GNA14: variants seen among roughly 807,000 people sequenced by gnomAD.
GNA14 encodes the protein G protein subunit alpha 14.
In GNA14, 50 loss-of-function variants were observed where a neutral mutation model predicts 42.0. The observed-to-expected ratio is 1.19, with a 90% confidence interval of 0.95 to 1.51. The LOEUF is 1.51. Among genes scored for constraint, GNA14 ranks in the 40% most tolerant of loss-of-function variants. The probability of loss-of-function intolerance (pLI) is 0.00; values close to 1 mark genes in which losing one functional copy is unlikely to be tolerated. For synonymous variants in GNA14, 173 were observed against 163.1 expected (o/e 1.06, Z -0.46); for missense variants, 473 against 446.2 (o/e 1.06, Z -0.54).
intron 2 of GNA14, among the ~76,000 whole-genome samples, chr9:77,494,082 G>A (rs924285416): frequency 3.9e-5 from 6 of 151,964 alleles, no homozygotes; most frequent in African/African-American, 7.3e-5. Context: ...CACCATGCCC[G>A]GCTAATTTTT....
At chr9:77,621,064 G>A (rs1259670751) in intron 1 of GNA14, among the ~76,000 whole-genome samples, 1 of 151,752 alleles carries the variant, frequency 6.6e-6, no homozygotes, top group East Asian at 2.0e-4. Context: ...TTCCCATGTA[G>A]CTGGGACCAC....
At chr9:77,562,765 G>T (rs1356647972) in intron 1 of GNA14, among the ~76,000 whole-genome samples, 25 of 152,130 alleles carry the variant, frequency 1.6e-4, no homozygotes, top group Non-Finnish European at 1.5e-5. Flanking sequence ...ATAACTTTAT[G>T]TTTAAAATTT....
chr9:77,507,341 C>G (rs1837088631), intron 2 of GNA14, among the ~76,000 whole-genome samples: 1 of 152,178 alleles, frequency 6.6e-6, no homozygotes, highest in Admixed American at 6.5e-5. Flanking sequence ...GGTCAGGTCT[C>G]AAAAGGAAGT....
intron 1 of GNA14, among the ~76,000 whole-genome samples, chr9:77,618,078 T>C (rs1046055219): frequency 1.6e-4 from 24 of 152,090 alleles, no homozygotes; most frequent in African/African-American, 5.8e-4. Context: ...TCTAAGTACC[T>C]GAGGCCTAGA....
chr9:77,626,483 G>A (rs991751100), intron 1 of GNA14, among the ~76,000 whole-genome samples: 1 of 152,048 alleles, frequency 6.6e-6, no homozygotes, highest in African/African-American at 2.4e-5. Flanking sequence ...CCGCATCATT[G>A]GAAGTAAAAC....
At chr9:77,521,871 C>T (rs1587815252) in intron 2 of GNA14, among the ~76,000 whole-genome samples, 3 of 152,108 alleles carry the variant, frequency 2.0e-5, no homozygotes, top group East Asian at 1.9e-4. Flanking sequence ...CTCACTCTGT[C>T]ACCCAGGCTG....
intron 2 of GNA14, among the ~76,000 whole-genome samples, chr9:77,441,075 T>A (rs1835726562): frequency 6.6e-6 from 1 of 152,302 alleles, no homozygotes; most frequent in South Asian, 2.1e-4. Flanking sequence ...ATACAATAGA[T>A]CTCTTGAGCA....
intron 1 of GNA14, among the ~76,000 whole-genome samples, chr9:77,545,421 T>A (rs528476847): frequency 1.2e-4 from 19 of 152,358 alleles, no homozygotes; most frequent in Admixed American, 2.6e-4. Flanking sequence ...TGTCAGAATA[T>A]GAAATTCAGA....
chr9:77,439,796 G>A (rs553891301), intron 2 of GNA14, among the ~76,000 whole-genome samples: 29 of 152,304 alleles, frequency 1.9e-4, no homozygotes, highest in African/African-American at 5.5e-4. Context: ...ACCCTCATGC[G>A]CTGTGGGGAA....
intron 2 of GNA14, among the ~76,000 whole-genome samples, chr9:77,472,216 G>A (rs1836344643): frequency 6.6e-6 from 1 of 152,136 alleles, no homozygotes; most frequent in Non-Finnish European, 1.5e-5. Flanking sequence ...TTTGGAAAAT[G>A]GACGACAGCA....
At chr9:77,531,697 A>G (rs1409661360) in intron 1 of GNA14, among the ~76,000 whole-genome samples, 1 of 150,498 alleles carries the variant, frequency 6.6e-6, no homozygotes, top group Non-Finnish European at 1.5e-5. Flanking sequence ...CACTCAAGAC[A>G]CACCCAAAAA....
chr9:77,578,164 T>C (rs2131800062), intron 1 of GNA14, among the ~76,000 whole-genome samples: 2 of 152,266 alleles, frequency 1.3e-5, no homozygotes, highest in South Asian at 4.1e-4. Context: ...TAGTCCCAGC[T>C]ACTCAGAAGG....
chr9:77,474,290 G>A (rs1297711015), intron 2 of GNA14, among the ~76,000 whole-genome samples: 4 of 152,138 alleles, frequency 2.6e-5, no homozygotes, highest in African/African-American at 9.7e-5. Flanking sequence ...AATGAAGAAC[G>A]CTTACAACTC....
chr9:77,453,196 C>T (rs566445220), intron 2 of GNA14, among the ~76,000 whole-genome samples: 3 of 152,174 alleles, frequency 2.0e-5, no homozygotes, highest in Admixed American at 6.5e-5. Context: ...GTGTCCCTTC[C>T]GCCATGCGAA....
rs140024699 is a variant in GNA14, at chr9:77,463,597, G to T, written c.310-29075C>A. ...ATTTAGAAAGTGTGATTAACTTTCA[G>T]ATAAGTGTTTTTGTTTCTTCAGCAA... is the stretch of plus-strand genomic sequence containing the variant. On this transcript the variant is annotated intron_variant, in intron 2 of 6. Coordinates refer to ENST00000341700, the MANE Select transcript of GNA14 (RefSeq NM_004297.4). Among the ~76,000 whole-genome samples the T allele has an allele frequency of 1.9e-4, 29 of 152,342 alleles. 1 individual carries two copies. The highest frequency in any genetic ancestry group is 6.7e-4 in the African/African-American group (28 of 41,580).
rs149910684 is a variant in GNA14, at chr9:77,602,009, T to G, written c.124+45661A>C. On this transcript the variant is annotated intron_variant, in intron 1 of 6. Transcript: ENST00000341700. Reference sequence around the variant, plus strand: ...GCATCATGTTTTACAATTATTTGATTCTGAGCATTTTTCAACAGGCCCCAT... The same window carrying G: ...GCATCATGTTTTACAATTATTTGATGCTGAGCATTTTTCAACAGGCCCCAT... Among the ~76,000 whole-genome samples, 879 of 152,340 alleles carry G rather than the reference T, an allele frequency of 5.8e-3. 9 individuals are homozygous for G. Among genetic ancestry groups the G allele is most frequent in the South Asian group, 0.023 (112 of 4,830 alleles).
chr9:77,455,487 T>G (rs1835982769), intron 2 of GNA14, among the ~76,000 whole-genome samples: 1 of 152,180 alleles, frequency 6.6e-6, no homozygotes, highest in Non-Finnish European at 1.5e-5. Flanking sequence ...GGGGAAGAGA[T>G]TATGCAGGAC....
chr9:77,479,054 T>C lies in GNA14; in HGVS notation c.310-44532A>G, dbSNP rs573288361. On this transcript the variant is annotated intron_variant, in intron 2 of 6. Transcript: ENST00000341700. ...AGATCCCATTTGTCAATTTTGGCTT[T>C]TGTTGCCATTGCTTTTGGTGTTTTA... Among the ~76,000 whole-genome samples the C allele has an allele frequency of 5.9e-5, 9 of 152,336 alleles. No homozygotes were observed. The East Asian group carries it at 1.2e-3, about 20-fold the overall frequency.
At position 77,573,559 on chromosome 9, in the gene GNA14, C is replaced by T. The variant is rs548932193; in HGVS notation, c.125-44306G>A. ...GATCTGCGCTCAAGAGATAAGCTGG[C>T]TAATTTTCTCCAGGGCATCTGCAGG... On this transcript the variant is annotated intron_variant, in intron 1 of 6. Coordinates refer to ENST00000341700, the MANE Select transcript of GNA14 (RefSeq NM_004297.4). 3.9e-5 allele frequency among the ~76,000 whole-genome samples: 6 copies of T among 152,274 alleles called. No homozygotes were observed. The East Asian group carries it at 1.2e-3, about 29-fold the overall frequency.
Sources: gnomAD v4.1 joint callset for allele counts (sites outside exome capture counted in the v4.1 genomes callset) on GRCh38, gnomAD v4.1.1 for gene constraint, MANE v1.5 for transcripts, NCBI Gene and HGNC (gene_info 2026-07-23, HGNC 2026-07-21) for gene names.